The following SH3PXD2A variants were observed in gnomAD, a reference collection of about 807,000 sequenced individuals.
The protein encoded by SH3PXD2A is SH3 and PX domain-containing protein 2A.
SH3PXD2A carries 32 observed loss-of-function variants against 115.2 expected under a neutral mutation model. The ratio of observed to expected loss-of-function variants is 0.28; its 90% CI spans 0.21 to 0.37. The LOEUF (loss-of-function observed/expected upper bound fraction) is 0.37, where lower values mean the gene tolerates loss of function less well. Ranked by LOEUF, SH3PXD2A falls within the 10% of genes least tolerant of loss-of-function variation. SH3PXD2A has a pLI of 1.00. For synonymous variants in SH3PXD2A, 610 were observed against 629.1 expected (o/e 0.97, Z 0.45); for missense variants, 1,328 against 1,498.7 (o/e 0.89, Z 1.88).
intron 8 of SH3PXD2A, among the ~76,000 whole-genome samples, chr10:103,654,625 C>T (rs2037181526): frequency 6.6e-6 from 1 of 152,100 alleles, no homozygotes; most frequent in Non-Finnish European, 1.5e-5. Flanking sequence ...CTATGCTGCC[C>T]AGGCTGGACT....
At chr10:103,808,756 T>C (rs1175883307) in intron 1 of SH3PXD2A, among the ~76,000 whole-genome samples, 1 of 152,154 alleles carries the variant, frequency 6.6e-6, no homozygotes, top group Non-Finnish European at 1.5e-5. Context: ...GCTGTGTTGG[T>C]CTCTATTCAA....
chr10:103,606,177 TATCATC>T (rs56654395), intron 13 of SH3PXD2A, among the ~76,000 whole-genome samples: 8,133 of 142,556 alleles, frequency 0.057, 332 homozygotes, highest in African/African-American at 0.12. Flanking sequence ...TTACTATTAC[TATCATC>T]ATCATCATCA....
chr10:103,602,946 G>A lies in SH3PXD2A; in HGVS notation c.2272C>T (p.Pro758Ser), dbSNP rs1564841152. The change falls in exon 15 of 15, where the codon CCC becomes TCC. Residue 758 changes from proline (P) to serine (S), a missense_variant. Around this residue, in one of 5 missense-constraint regions of SH3PXD2A, gnomAD observed 574 missense variants for 565.7 expected, o/e 1.01. Coordinates refer to ENST00000369774, the MANE Select transcript of SH3PXD2A (RefSeq NM_001394015.1). ...SCPRAKPSVR[P>S]KPFLNRAESQ... Reference sequence around the variant, plus strand: ...TCTGCTCGGTTTAGGAATGGCTTGGGCCGGACCGATGGCTTGGCCCGGGGA... The same window carrying A: ...TCTGCTCGGTTTAGGAATGGCTTGGACCGGACCGATGGCTTGGCCCGGGGA... 1.2e-6 allele frequency: 2 copies of A among 1,614,242 alleles called. No homozygotes were observed. Among genetic ancestry groups the A allele is most frequent in the South Asian group, 1.1e-5 (1 of 91,082 alleles).
intron 3 of SH3PXD2A, among the ~76,000 whole-genome samples, chr10:103,738,627 A>G (rs142674113): frequency 2.0e-5 from 3 of 152,318 alleles, no homozygotes; most frequent in African/African-American, 7.2e-5. Flanking sequence ...GCAGGGCCTC[A>G]GCCTCCAAAA....
At chr10:103,763,960 G>T (rs1283388979) in intron 3 of SH3PXD2A, among the ~76,000 whole-genome samples, 1 of 152,176 alleles carries the variant, frequency 6.6e-6, no homozygotes, top group African/African-American at 2.4e-5. Flanking sequence ...TTCCTCTTCT[G>T]CCCCATCCTG....
At chr10:103,695,196 C>A (rs908958298) in intron 5 of SH3PXD2A, among the ~76,000 whole-genome samples, 8 of 152,072 alleles carry the variant, frequency 5.3e-5, no homozygotes, top group Non-Finnish European at 1.0e-4. Context: ...ACTGACCATC[C>A]CCCTGGCTGC....
chr10:103,604,163 C>G (rs894674388), intron 14 of SH3PXD2A, among the ~76,000 whole-genome samples: 13 of 152,314 alleles, frequency 8.5e-5, no homozygotes, highest in Admixed American at 4.6e-4. Flanking sequence ...TCTGCTGCCC[C>G]TTCCCTCCTC....
Position 103,661,147 on chromosome 10 carries a change from C to T in SH3PXD2A, c.473-33G>A, listed in dbSNP as rs763347160. 11 of 1,605,350 alleles carry T rather than the reference C, an allele frequency of 6.9e-6. No individual in the cohort carries two copies. In the East Asian group the frequency reaches 2.5e-4, roughly 36 times the overall value. On this transcript the variant is annotated intron_variant, in intron 7 of 14. Coordinates refer to ENST00000369774, the MANE Select transcript of SH3PXD2A (RefSeq NM_001394015.1). ...GGGCAGAAAGCACGCGGTGAGCCAG[C>T]GGCCAGCCATGGCCCCGCGGCCAGG...
intron 8 of SH3PXD2A, among the ~76,000 whole-genome samples, chr10:103,659,279 C>T (rs1564856450): frequency 6.6e-6 from 1 of 152,196 alleles, no homozygotes; most frequent in African/African-American, 2.4e-5. Context: ...CATGGGGGCT[C>T]ACTACCTCCT....
intron 1 of SH3PXD2A, among the ~76,000 whole-genome samples, chr10:103,829,982 G>A (rs1362008593): frequency 1.3e-5 from 2 of 152,204 alleles, no homozygotes; most frequent in Non-Finnish European, 2.9e-5. Flanking sequence ...GTGACATCTG[G>A]GGAAGGTCTG....
At chr10:103,744,608 G>T (rs2038480370) in intron 3 of SH3PXD2A, among the ~76,000 whole-genome samples, 2 of 152,132 alleles carry the variant, frequency 1.3e-5, no homozygotes, top group Admixed American at 6.6e-5. Context: ...CTTGTACCTG[G>T]CTCAGATCAC....
chr10:103,797,922 A>G (rs1039972585), intron 2 of SH3PXD2A, among the ~76,000 whole-genome samples: 1 of 152,104 alleles, frequency 6.6e-6, no homozygotes, highest in Non-Finnish European at 1.5e-5. Context: ...AGAGGGAGAA[A>G]CAGAGGGTCC....
intron 5 of SH3PXD2A, among the ~76,000 whole-genome samples, chr10:103,702,596 C>CGCGTGTGTGTGTGTGTGT (rs1554913264): frequency 6.8e-6 from 1 of 147,448 alleles, no homozygotes; most frequent in African/African-American, 2.5e-5. Flanking sequence ...TGTGTGTGTG[C>CGCGTGTGTGTGTGTGTGT]GTGTGTGTGT....
chr10:103,836,372 T>C (rs2039540040), intron 1 of SH3PXD2A, among the ~76,000 whole-genome samples: 1 of 150,330 alleles, frequency 6.7e-6, no homozygotes, highest in Admixed American at 6.6e-5. Flanking sequence ...CACAGACATG[T>C]CCATACACAC....
chr10:103,752,675 G>A (rs1306275733), intron 3 of SH3PXD2A, among the ~76,000 whole-genome samples: 2 of 152,260 alleles, frequency 1.3e-5, no homozygotes, highest in East Asian at 3.9e-4. Flanking sequence ...GTGCCTCAAA[G>A]GAAAACTTCT....
chr10:103,817,148 CTT>C (rs113978049), intron 1 of SH3PXD2A, among the ~76,000 whole-genome samples: 1 of 139,828 alleles, frequency 7.2e-6, no homozygotes. Context: ...CCGGTCTATT[CTT>C]TTTTTTTTTT....
intron 8 of SH3PXD2A, 123 bp downstream of exon 8, chr10:103,660,860 T>A (rs779211425): frequency 1.8e-6 from 2 of 1,140,282 alleles, no homozygotes; most frequent in Non-Finnish European, 2.6e-6. Flanking sequence ...GCCTCGGCCC[T>A]CTCTCTGCCA....
chr10:103,768,366 G>T (rs1278052884), intron 2 of SH3PXD2A, among the ~76,000 whole-genome samples: 1 of 152,216 alleles, frequency 6.6e-6, no homozygotes, highest in African/African-American at 2.4e-5. Context: ...CTGCAGGGGG[G>T]CGAGGAAGCA....
chr10:103,782,958 T>C (rs1456618408), intron 2 of SH3PXD2A, among the ~76,000 whole-genome samples: 2 of 149,538 alleles, frequency 1.3e-5, no homozygotes, highest in African/African-American at 5.1e-5. Flanking sequence ...TCTGATTCTA[T>C]GAGAGGTGCC....
Sources: gnomAD v4.1 joint callset for allele counts (sites outside exome capture counted in the v4.1 genomes callset) on GRCh38, gnomAD v4.1.1 for gene constraint, gnomAD v4.1.1 regional missense constraint, MANE v1.5 for transcripts, NCBI Gene and HGNC (gene_info 2026-07-23, HGNC 2026-07-21) for gene names.